RANBP2: variants seen among roughly 807,000 people sequenced by gnomAD.
RANBP2 encodes the protein RAN binding protein 2.
RANBP2 carries 57 observed loss-of-function variants against 303.6 expected under a neutral mutation model. The ratio of observed to expected loss-of-function variants is 0.19; its 90% confidence interval spans 0.15 to 0.23. The LOEUF (loss-of-function observed/expected upper bound fraction) is 0.23. RANBP2 is among the 10% of genes least tolerant of loss of function. RANBP2 has a pLI of 1.00. For synonymous variants in RANBP2, 1,167 were observed against 1,301.5 expected, an observed-to-expected ratio of 0.90 and a Z score of 2.23; for missense variants, 3,138 against 3,780.8, an observed-to-expected ratio of 0.83 and a Z score of 4.46.
the RANBP2 span, among the ~76,000 whole-genome samples, chr2:109,700,191 T>C: frequency 6.6e-6 from 1 of 152,212 alleles, no homozygotes; most frequent in East Asian, 1.9e-4. Flanking sequence ...TGTTTTCAAA[T>C]ACATTCAAGG....
the RANBP2 span, chr2:108,846,823 C>T: frequency 1.8e-5 from 29 of 1,612,808 alleles, no homozygotes; most frequent in East Asian, 6.7e-5. Flanking sequence ...GATAATTCTC[C>T]ACAGCATTCT....
rs552971331 is a variant in RANBP2, at chr2:108,730,689, C to T, written c.141-85C>T. On this transcript the variant is annotated intron_variant, in intron 2 of 28. Transcript: ENST00000283195. ...ACAATATAAACGAGTTTAGTGGTTG[C>T]TTTGGTTTAAGATGTATTCTTCGGT... The T allele has an allele frequency of 1.8e-5, 28 of 1,516,428 alleles. No homozygotes were observed. The South Asian group carries it at 3.1e-4, about 17-fold the overall frequency. The allele number at this position is 1,516,428 out of a possible 1,614,324, so 93.9% of individuals were successfully genotyped here. A position where few individuals can be genotyped will look rare whatever the true frequency, so the allele number is the denominator to read the frequency against.
Position 108,765,362 on chromosome 2 carries a change from G to A in RANBP2, c.4823G>A (p.Gly1608Glu), listed in dbSNP as rs1474762664. The A allele has an allele frequency of 2.6e-5, 36 of 1,401,000 alleles. No homozygotes were observed. Among genetic ancestry groups the A allele is most frequent in the South Asian group, 6.9e-5 (6 of 86,598 alleles). The allele number at this position is 1,401,000 out of a possible 1,614,324, so 86.8% of individuals were successfully genotyped here. A position where few individuals can be genotyped will look rare whatever the true frequency, so the allele number is the denominator to read the frequency against. Residue 1608 changes from glycine (G) to glutamate (E), a missense_variant, in exon 20 of 29, where the codon GGA becomes GAA. Transcript: ENST00000283195. ...GFEGMFTKKEGQWDCSVCLVR... is the reference protein window; with the variant it reads ...GFEGMFTKKEEQWDCSVCLVR... The stretch of plus-strand genomic sequence containing the variant: ...GAGGGAATGTTCACTAAGAAGGAGG[G>A]ACAGTGGGATTGCAGTGTGTGCTTA...
At chr2:109,526,090 C>T in the RANBP2 span, among the ~76,000 whole-genome samples, 1 of 152,122 alleles carries the variant, frequency 6.6e-6, no homozygotes, top group African/African-American at 2.4e-5. Context: ...CCACAGGTGA[C>T]CAGGAATCAG....
chr2:109,025,961 G>T, the RANBP2 span, among the ~76,000 whole-genome samples: 1 of 152,054 alleles, frequency 6.6e-6, no homozygotes, highest in Non-Finnish European at 1.5e-5. Flanking sequence ...CCTCATCCTG[G>T]TGTAATTGTT....
the RANBP2 span, among the ~76,000 whole-genome samples, chr2:109,719,179 C>T: frequency 6.7e-6 from 1 of 149,652 alleles, no homozygotes; most frequent in Non-Finnish European, 1.5e-5. Context: ...TCACCGCAAC[C>T]TCCGCCTCCC....
the RANBP2 span, among the ~76,000 whole-genome samples, chr2:109,342,023 C>T: frequency 2.0e-5 from 3 of 152,184 alleles, no homozygotes; most frequent in South Asian, 2.1e-4. Context: ...GGGTCTCACC[C>T]GCCGGGGCCT....
chr2:109,491,597 T>A, the RANBP2 span, among the ~76,000 whole-genome samples: 1 of 152,122 alleles, frequency 6.6e-6, no homozygotes, highest in African/African-American at 2.4e-5. Flanking sequence ...GGGCTGCAGG[T>A]GCTTGGGTTT....
the RANBP2 span, among the ~76,000 whole-genome samples, chr2:108,813,451 A>T: frequency 6.6e-6 from 1 of 152,072 alleles, no homozygotes; most frequent in Non-Finnish European, 1.5e-5. Flanking sequence ...AAACAAAACT[A>T]TTATATTTCA....
chr2:109,609,634 A>G, the RANBP2 span, among the ~76,000 whole-genome samples: 6 of 144,736 alleles, frequency 4.1e-5, no homozygotes, highest in Non-Finnish European at 9.1e-5. Context: ...AAAAAAAAAA[A>G]GATCAAGAAA....
At chr2:108,852,319 T>A in the RANBP2 span, among the ~76,000 whole-genome samples, 1 of 152,218 alleles carries the variant, frequency 6.6e-6, no homozygotes, top group East Asian at 1.9e-4. Flanking sequence ...GTAAATTAGT[T>A]CAGCCATTGT....
At chr2:109,185,277 C>T in the RANBP2 span, among the ~76,000 whole-genome samples, 1 of 152,136 alleles carries the variant, frequency 6.6e-6, no homozygotes, top group Non-Finnish European at 1.5e-5. Context: ...CTTTCCTAAT[C>T]GATGTGAATA....
At chr2:109,593,200 G>A in the RANBP2 span, 1 of 860,862 alleles carries the variant, frequency 1.2e-6, no homozygotes, top group Non-Finnish European at 1.8e-6. Flanking sequence ...ATATTTACAT[G>A]AATAAGGTGT....
the RANBP2 span, among the ~76,000 whole-genome samples, chr2:109,163,703 A>G: frequency 1.3e-5 from 2 of 152,132 alleles, no homozygotes; most frequent in African/African-American, 4.8e-5. Flanking sequence ...CTGGCCGCAA[A>G]TATTCTTAAG....
At chr2:109,464,999 AAC>A in the RANBP2 span, among the ~76,000 whole-genome samples, 2 of 152,238 alleles carry the variant, frequency 1.3e-5, no homozygotes, top group Non-Finnish European at 2.9e-5. Context: ...AACTCCTGGC[AAC>A]CACTGACCTT....
At chr2:109,335,305 A>G in the RANBP2 span, among the ~76,000 whole-genome samples, 1 of 152,082 alleles carries the variant, frequency 6.6e-6, no homozygotes, top group Non-Finnish European at 1.5e-5. Context: ...GTGTCTCTTT[A>G]TCCTCTCCCT....
the RANBP2 span, among the ~76,000 whole-genome samples, chr2:109,103,503 G>T: frequency 6.6e-6 from 1 of 152,204 alleles, no homozygotes; most frequent in South Asian, 2.1e-4. Context: ...GGGGCTCACA[G>T]GTGGATTCAA....
At chr2:109,490,519 A>G in the RANBP2 span, 16 of 1,107,966 alleles carry the variant, frequency 1.4e-5, no homozygotes, top group Non-Finnish European at 1.9e-5. Flanking sequence ...AAAGTTCCAC[A>G]TAGGAAGATG....
At chr2:108,824,888 C>T in the RANBP2 span, among the ~76,000 whole-genome samples, 2 of 152,102 alleles carry the variant, frequency 1.3e-5, no homozygotes, top group Non-Finnish European at 2.9e-5. Flanking sequence ...ATGGGACCAG[C>T]ATTGTTATAT....
Sources: allele counts gnomAD v4.1 joint callset (sites outside exome capture counted in the v4.1 genomes callset), GRCh38; gene constraint gnomAD v4.1.1; transcripts MANE v1.5; gene names NCBI Gene and HGNC (gene_info 2026-07-23, HGNC 2026-07-21).